IMMP2L: variants seen among roughly 807,000 people sequenced by gnomAD.
The protein encoded by IMMP2L is inner mitochondrial membrane peptidase subunit 2.
A neutral mutation model predicts 19.3 loss-of-function variants in IMMP2L; 18 were observed. The observed-to-expected ratio is 0.93, with a 90% CI of 0.64 to 1.38. The LOEUF (loss-of-function observed/expected upper bound fraction) is 1.38, where lower values mean the gene tolerates loss of function less well. Ranked by LOEUF, IMMP2L falls within the 40% of genes most tolerant of loss-of-function variation. The probability of loss-of-function intolerance (pLI) is 0.00; values close to 1 mark genes in which losing one functional copy is unlikely to be tolerated. For synonymous variants in IMMP2L, 76 were observed against 73.0 expected (o/e 1.04, Z -0.21); for missense variants, 233 against 218.2 (o/e 1.07, Z -0.43).
At chr7:110,890,540 TAATACTCCTAATAG>T (rs1177880505) in intron 4 of IMMP2L, among the ~76,000 whole-genome samples, 2 of 152,180 alleles carry the variant, frequency 1.3e-5, no homozygotes, top group Non-Finnish European at 2.9e-5. Context: ...CAAAGAAATA[TAATACTCCTAATAG>T]AATTTCTCTA....
At chr7:110,891,743 A>C (rs1191945625) in intron 4 of IMMP2L, among the ~76,000 whole-genome samples, 1 of 152,170 alleles carries the variant, frequency 6.6e-6, no homozygotes, top group African/African-American at 2.4e-5. Flanking sequence ...TAAAATATAT[A>C]ACTAAATAAG....
intron 3 of IMMP2L, among the ~76,000 whole-genome samples, chr7:111,130,836 A>G (rs1169034495): frequency 1.3e-5 from 2 of 152,094 alleles, no homozygotes; most frequent in Non-Finnish European, 2.9e-5. Flanking sequence ...ACCTCTAGTA[A>G]ACATCTCTTT....
chr7:111,438,875 C>T (rs1033097106), intron 3 of IMMP2L, among the ~76,000 whole-genome samples: 1 of 151,956 alleles, frequency 6.6e-6, no homozygotes, highest in South Asian at 2.1e-4. Flanking sequence ...TTTAAATATA[C>T]AGGTCTTCAC....
intron 3 of IMMP2L, among the ~76,000 whole-genome samples, chr7:111,016,816 T>G (rs377465366): frequency 1.2e-4 from 6 of 49,824 alleles, no homozygotes; most frequent in East Asian, 3.5e-3. Flanking sequence ...ATACTATATA[T>G]TATATATAAT....
At chr7:111,147,827 A>G (rs1191925733) in intron 3 of IMMP2L, among the ~76,000 whole-genome samples, 1 of 152,178 alleles carries the variant, frequency 6.6e-6, no homozygotes, top group African/African-American at 2.4e-5. Flanking sequence ...CAGAATTCCA[A>G]AAGTTAAACA....
Position 111,095,872 on chromosome 7 carries a change from G to A in IMMP2L, c.240-132307C>T, listed in dbSNP as rs910630028. ...TGGAAAACAATAAATATATTATCAG[G>A]ACAGCAATCCCTCTCCCTCTCTCCC... is the stretch of plus-strand genomic sequence containing the variant. On this transcript the variant is annotated intron_variant, in intron 3 of 5. Coordinates refer to ENST00000405709, the MANE Select transcript of IMMP2L (RefSeq NM_032549.4). 1.1e-4 allele frequency among the ~76,000 whole-genome samples: 16 copies of A among 151,858 alleles called. 1 individual carries two copies. In the East Asian group the frequency reaches 2.7e-3, roughly 26 times the overall value.
intron 1 of IMMP2L, among the ~76,000 whole-genome samples, chr7:111,532,254 A>G (rs989196312): frequency 6.6e-6 from 1 of 152,086 alleles, no homozygotes; most frequent in Non-Finnish European, 1.5e-5. Context: ...TTGCTACCTC[A>G]CATTTTTTCC....
intron 3 of IMMP2L, among the ~76,000 whole-genome samples, chr7:111,026,663 C>A (rs1027914831): frequency 6.6e-6 from 1 of 152,056 alleles, no homozygotes; most frequent in Non-Finnish European, 1.5e-5. Flanking sequence ...AAGGTGTTTA[C>A]AACAAGCACT....
At chr7:111,375,361 T>A (rs1479869653) in intron 3 of IMMP2L, among the ~76,000 whole-genome samples, 1 of 152,134 alleles carries the variant, frequency 6.6e-6, no homozygotes, top group Non-Finnish European at 1.5e-5. Flanking sequence ...TAAATTATGA[T>A]GTCAAGGTCT....
intron 3 of IMMP2L, among the ~76,000 whole-genome samples, chr7:111,139,060 G>C (rs961936297): frequency 6.6e-6 from 1 of 151,822 alleles, no homozygotes; most frequent in East Asian, 1.9e-4. Context: ...TTTGGCTATT[G>C]TGAGAATAAT....
Position 110,757,802 on chromosome 7 carries a change from C to T in IMMP2L, c.409-94081G>A, listed in dbSNP as rs576254423. 3.1e-4 allele frequency among the ~76,000 whole-genome samples: 47 copies of T among 152,024 alleles called. 1 individual carries two copies. The highest frequency in any genetic ancestry group is 8.2e-4 in the African/African-American group (34 of 41,478). Reference sequence around the variant, plus strand: ...CATCTGTGTTTTGTCAGCACTCTGACGGAAAAAACCTCATTAGGAAGGCAG... The same window carrying T: ...CATCTGTGTTTTGTCAGCACTCTGATGGAAAAAACCTCATTAGGAAGGCAG... On this transcript the variant is annotated intron_variant, in intron 5 of 5. Coordinates refer to ENST00000405709, the MANE Select transcript of IMMP2L (RefSeq NM_032549.4). This position sits in a 1 kb window ranked among gnomAD's most constrained non-coding sequence, Gnocchi z 4.2.
At chr7:110,740,985 G>GT (rs746122731) in intron 5 of IMMP2L, among the ~76,000 whole-genome samples, 3 of 150,770 alleles carry the variant, frequency 2.0e-5, no homozygotes, top group African/African-American at 4.9e-5. Context: ...CCACTACCAG[G>GT]TATCTACCCA....
intron 5 of IMMP2L, among the ~76,000 whole-genome samples, chr7:110,793,328 G>A (rs971037740): frequency 6.6e-6 from 1 of 151,984 alleles, no homozygotes; most frequent in African/African-American, 2.4e-5. Context: ...GCTGAGGCAC[G>A]AGAATGGCTT....
intron 3 of IMMP2L, among the ~76,000 whole-genome samples, chr7:111,096,554 G>A (rs1797421648): frequency 6.7e-6 from 1 of 149,872 alleles, no homozygotes; most frequent in East Asian, 2.0e-4. Flanking sequence ...ATCTATTCTT[G>A]GAGAAAAAGA....
chr7:111,024,184 T>G (rs1378800666), intron 3 of IMMP2L, among the ~76,000 whole-genome samples: 1 of 152,188 alleles, frequency 6.6e-6, no homozygotes, highest in Non-Finnish European at 1.5e-5. Context: ...CTTTTACCCT[T>G]CAAAAATATA....
At chr7:111,392,260 A>G (rs1208543562) in intron 3 of IMMP2L, among the ~76,000 whole-genome samples, 1 of 152,098 alleles carries the variant, frequency 6.6e-6, no homozygotes, top group African/African-American at 2.4e-5. Context: ...TCTTTTTCCT[A>G]TTCTAGCCAC....
At chr7:111,190,997 A>G (rs1808801398) in intron 3 of IMMP2L, among the ~76,000 whole-genome samples, 1 of 152,044 alleles carries the variant, frequency 6.6e-6, no homozygotes. Context: ...TTTTGCTTTG[A>G]GCGGGCAAAC....
intron 3 of IMMP2L, among the ~76,000 whole-genome samples, chr7:111,486,187 A>G (rs552976335): frequency 1.3e-5 from 2 of 152,278 alleles, no homozygotes; most frequent in South Asian, 4.1e-4. Context: ...CTCCACTTGA[A>G]TTTATTTCAT....
rs564395724 is a variant in IMMP2L, at chr7:111,119,886, C to A, written c.240-156321G>T. On this transcript the variant is annotated intron_variant, in intron 3 of 5. Coordinates refer to ENST00000405709, the MANE Select transcript of IMMP2L (RefSeq NM_032549.4). ...GAGCCATGGGACCACTGTGAAGGGG[C>A]AGCTAAGTACATGTGGAGGGAGGGG... 5.3e-5 allele frequency among the ~76,000 whole-genome samples: 8 copies of A among 152,194 alleles called. No homozygotes were observed. In the South Asian group the frequency reaches 1.5e-3, roughly 28 times the overall value.
Sources: gnomAD v4.1 joint callset for allele counts (sites outside exome capture counted in the v4.1 genomes callset) on GRCh38, gnomAD v4.1.1 for gene constraint, Gnocchi (gnomAD v3.1) non-coding constraint, MANE v1.5 for transcripts, NCBI Gene and HGNC (gene_info 2026-07-23, HGNC 2026-07-21) for gene names.